The following C19orf12 variants were observed in gnomAD, a reference collection of about 807,000 sequenced individuals.
C19orf12 encodes protein C19orf12.
Under a neutral mutation model 3.8 loss-of-function variants are expected in C19orf12, and 2 were observed. The observed-to-expected ratio is 0.53, with a 90% CI of 0.22 to 1.66. The LOEUF (loss-of-function observed/expected upper bound fraction) is 1.66, where lower values mean the gene tolerates loss of function less well. C19orf12 is among the 40% of genes most tolerant of loss of function. C19orf12 has a pLI of 0.20. For synonymous variants in C19orf12, 89 were observed against 84.6 expected, an observed-to-expected ratio of 1.05 and a Z score of -0.28; for missense variants, 156 against 188.8, an observed-to-expected ratio of 0.83 and a Z score of 1.02.
Position 29,715,249 on chromosome 19 carries a change from C to T in C19orf12, c.-135G>A, listed in dbSNP as rs537644349. On this transcript the variant is annotated 5_prime_UTR_variant, in exon 1 of 3. Transcript: ENST00000323670. ...CGGAGGGTCGCGCAGGCCTTGGTGG[C>T]GGCCCCGGCGCTGGCCCCGCCCTCC... 977 of 388,308 alleles carry T rather than the reference C, an allele frequency of 2.5e-3. 8 individuals carry two copies. The highest frequency in any genetic ancestry group is 0.021 in the African/African-American group (937 of 45,564). The allele number at this position is 388,308 out of a possible 1,614,324, so 24.1% of individuals were successfully genotyped here. A position where few individuals can be genotyped will look rare whatever the true frequency, so the allele number is the denominator to read the frequency against.
At chr19:29,705,974 C>T (rs1972360486) in intron 2 of C19orf12, among the ~76,000 whole-genome samples, 1 of 152,156 alleles carries the variant, frequency 6.6e-6, no homozygotes. Context: ...AAAATGCAAC[C>T]CAGGCCAGAG....
rs182915228 is a variant in C19orf12 at position 29,708,813 on chromosome 19, C to T, written c.-10-390G>A. On this transcript the variant is annotated intron_variant, in intron 1 of 2. Coordinates refer to ENST00000323670, the MANE Select transcript of C19orf12 (RefSeq NM_031448.6). ...CCTGCACACAAAGCCCAGCAGAGAACGGGAAGTCCCGGCGTGAGGCATCTG... is the reference window on the plus strand; with the variant it reads ...CCTGCACACAAAGCCCAGCAGAGAATGGGAAGTCCCGGCGTGAGGCATCTG... Among the ~76,000 whole-genome samples the T allele has an allele frequency of 3.9e-5, 6 of 152,312 alleles. No individual in the cohort carries two copies. In the South Asian group the frequency reaches 8.3e-4, roughly 21 times the overall value.
At position 29,699,393 on chromosome 19, in the gene C19orf12, G is replaced by C. The variant is rs1363808403; in HGVS notation, c.*3319C>G. On this transcript the variant is annotated 3_prime_UTR_variant, in exon 3 of 3. Coordinates refer to ENST00000323670, the MANE Select transcript of C19orf12 (RefSeq NM_031448.6). ...AGCTACTCGGGAGGCTGAGGCAGGA[G>C]AATGGCTTGAACCCAGGAGGCAGAG... 1 of 380,342 alleles carries C rather than the reference G, an allele frequency of 2.6e-6. No homozygotes were observed. The highest frequency in any genetic ancestry group is 5.1e-6 in the Non-Finnish European group (1 of 197,816). 23.6% of individuals were successfully genotyped at this position (380,342 alleles called of 1,614,324 possible).
chr19:29,709,674 TATGC>T (rs1201648662), intron 1 of C19orf12, among the ~76,000 whole-genome samples: 1 of 148,878 alleles, frequency 6.7e-6, no homozygotes, highest in East Asian at 2.0e-4. Context: ...GGACTACAGG[TATGC>T]AATCACCACG....
rs762116472 is a variant in C19orf12 at position 29,702,958 on chromosome 19, C to G, written c.180G>C (p.Leu60=). The change falls in exon 3 of 3, where the codon CTG becomes CTC. Residue 60 remains leucine (L), a synonymous_variant. Transcript: ENST00000323670. Reference sequence around the variant, plus strand: ...GTCCACTTGTCATCCAGGCACCTAACAGCCCCCCGACAGCCCCCCCTAGAA... The same window carrying G: ...GTCCACTTGTCATCCAGGCACCTAAGAGCCCCCCGACAGCCCCCCCTAGAA... ...GLAVGGAVGG[L]LGAWMTSGQF... 7 of 1,613,764 alleles carry G rather than the reference C, an allele frequency of 4.3e-6. No homozygotes were observed. The highest frequency in any genetic ancestry group is 5.9e-6 in the Non-Finnish European group (7 of 1,179,770).
rs1391704278 is a variant in C19orf12, at chr19:29,715,127, G to T, written c.-13C>A. On this transcript the variant is annotated splice_region_variant and 5_prime_UTR_variant, in exon 1 of 3. Coordinates refer to ENST00000323670, the MANE Select transcript of C19orf12 (RefSeq NM_031448.6). ...CCCGGCTCCGGGCGCTCCTTTACCT[G>T]GGGGAGCGGAGGTCTACGCGGCGCG... The T allele has an allele frequency of 6.7e-6, 4 of 600,640 alleles. No individual in the cohort carries two copies. In the South Asian group the frequency reaches 7.1e-5, roughly 11 times the overall value. 37.2% of individuals were successfully genotyped at this position (600,640 alleles called of 1,614,324 possible).
intron 2 of C19orf12, among the ~76,000 whole-genome samples, chr19:29,705,875 C>G (rs988077346): frequency 2.0e-5 from 3 of 152,140 alleles, no homozygotes; most frequent in Non-Finnish European, 2.9e-5. Context: ...AGAACCGAAA[C>G]TGGATGGAAG....
At chr19:29,704,664 G>A (rs974681841) in intron 2 of C19orf12, among the ~76,000 whole-genome samples, 1 of 152,194 alleles carries the variant, frequency 6.6e-6, no homozygotes, top group Admixed American at 6.5e-5. Flanking sequence ...GAAGCGGAAG[G>A]TGCCCTAGGG....
chr19:29,700,915 G>A lies in C19orf12; in HGVS notation c.*1797C>T, dbSNP rs754338778. 3 of 453,924 alleles carry A rather than the reference G, an allele frequency of 6.6e-6. No homozygotes were observed. Among genetic ancestry groups the A allele is most frequent in the South Asian group, 4.7e-5 (3 of 64,480 alleles). The allele number at this position is 453,924 out of a possible 1,614,324, so 28.1% of individuals were successfully genotyped here. ...GTCCCTGCCCTGCCCCAGGACCTGGGGACCAAGGAATAACATTTTTTGTAG... is the reference window on the plus strand; with the variant it reads ...GTCCCTGCCCTGCCCCAGGACCTGGAGACCAAGGAATAACATTTTTTGTAG... On this transcript the variant is annotated 3_prime_UTR_variant, in exon 3 of 3. Transcript: ENST00000323670.
intron 1 of C19orf12, among the ~76,000 whole-genome samples, chr19:29,711,011 T>G (rs1262110901): frequency 6.7e-6 from 1 of 148,368 alleles, no homozygotes; most frequent in Admixed American, 6.7e-5. Context: ...ATGACATAGA[T>G]AGCTAGATAG....
intron 2 of C19orf12, among the ~76,000 whole-genome samples, chr19:29,707,452 C>A (rs1038273206): frequency 6.6e-6 from 1 of 152,204 alleles, no homozygotes; most frequent in Admixed American, 6.5e-5. Flanking sequence ...AACAAGGGAG[C>A]TCTCTCAGAG....
At chr19:29,711,300 A>C (rs987765385) in intron 1 of C19orf12, among the ~76,000 whole-genome samples, 1 of 152,236 alleles carries the variant, frequency 6.6e-6, no homozygotes, top group African/African-American at 2.4e-5. Context: ...TTGGCCTCTC[A>C]AAGTGCTGGG....
Position 29,703,098 on chromosome 19 carries a change from C to A in C19orf12, c.161-121G>T, listed in dbSNP as rs373456302. 5.0e-5 allele frequency: 66 copies of A among 1,332,040 alleles called. 2 individuals are homozygous for A. The South Asian group carries it at 7.3e-4, about 15-fold the overall frequency. The allele number at this position is 1,332,040 out of a possible 1,614,324, so 82.5% of individuals were successfully genotyped here. ...AGGCACATTCATGAGCGGGCTGCAG[C>A]GGGCTCAGCCGGTGCCACGCCTGCT... On this transcript the variant is annotated intron_variant, in intron 2 of 2. Coordinates refer to ENST00000323670, the MANE Select transcript of C19orf12 (RefSeq NM_031448.6).
At chr19:29,713,975 C>T (rs866484439) in intron 1 of C19orf12, among the ~76,000 whole-genome samples, 1 of 102,812 alleles carries the variant, frequency 9.7e-6, no homozygotes, top group African/African-American at 5.5e-5. Flanking sequence ...TCCTTCCTTC[C>T]TTTTCTCTTT....
chr19:29,712,655 C>T (rs577666641), intron 1 of C19orf12, among the ~76,000 whole-genome samples: 2 of 152,166 alleles, frequency 1.3e-5, no homozygotes, highest in Admixed American at 6.5e-5. Flanking sequence ...AAGCACCCCT[C>T]CCACCAGCTT....
intron 2 of C19orf12, among the ~76,000 whole-genome samples, chr19:29,703,717 G>A (rs1972234916): frequency 1.3e-5 from 2 of 152,070 alleles, no homozygotes; most frequent in Non-Finnish European, 2.9e-5. Context: ...CAGGCTGGGT[G>A]CGGTGGCTCA....
At chr19:29,708,701 C>T (rs1599546880) in intron 1 of C19orf12, 1 of 478,754 alleles carries the variant, frequency 2.1e-6, no homozygotes, top group East Asian at 4.2e-5. Flanking sequence ...TAAGGAGCAA[C>T]CCGGCCACAT....
rs1971982452 is a variant in C19orf12, at chr19:29,699,868, T to C, written c.*2844A>G. On this transcript the variant is annotated 3_prime_UTR_variant, in exon 3 of 3. Transcript: ENST00000323670. ...TACAAAGAAGATACAGATATATAAA[T>C]ACTAAAACCACAGGAGCTGAGAAGC... The C allele has an allele frequency of 2.2e-6, 1 of 453,816 alleles. No individual in the cohort carries two copies. The highest frequency in any genetic ancestry group is 4.4e-6 in the Non-Finnish European group (1 of 226,732). The allele number at this position is 453,816 out of a possible 1,614,324, so 28.1% of individuals were successfully genotyped here.
rs779999163 is a variant in C19orf12 at position 29,701,402 on chromosome 19, T to C, written c.*1310A>G. 4.4e-6 allele frequency: 2 copies of C among 454,134 alleles called. No individual in the cohort carries two copies. The highest frequency in any genetic ancestry group is 1.6e-5 in the South Asian group (1 of 64,482). 28.1% of individuals were successfully genotyped at this position (454,134 alleles called of 1,614,324 possible). ...ATTTAAATCATCTCTAGATTTCTTA[T>C]AATACCAAATACAATATAAATGCTA... On this transcript the variant is annotated 3_prime_UTR_variant, in exon 3 of 3. Coordinates refer to ENST00000323670, the MANE Select transcript of C19orf12 (RefSeq NM_031448.6).
Sources: allele counts gnomAD v4.1 joint callset (sites outside exome capture counted in the v4.1 genomes callset), GRCh38; gene constraint gnomAD v4.1.1; transcripts MANE v1.5; gene names NCBI Gene and HGNC (gene_info 2026-07-23, HGNC 2026-07-21).